PRELID2: variants seen among roughly 807,000 people sequenced by gnomAD.
PRELID2 encodes PRELI domain-containing protein 2.
A neutral mutation model predicts 28.4 loss-of-function variants in PRELID2; 25 were observed. The ratio of observed to expected loss-of-function variants is 0.88; its 90% CI spans 0.64 to 1.23. PRELID2 has a LOEUF of 1.23. Ranked by LOEUF, PRELID2 falls within the 50% of genes most tolerant of loss-of-function variation. The pLI, the probability that PRELID2 is intolerant of heterozygous loss-of-function variation, is 0.00. For synonymous variants in PRELID2, 76 were observed against 71.6 expected, an observed-to-expected ratio of 1.06 and a Z score of -0.31; for missense variants, 201 against 214.4, an observed-to-expected ratio of 0.94 and a Z score of 0.39.
chr5:145,282,460 C>T, the PRELID2 span, among the ~76,000 whole-genome samples: 1 of 151,526 alleles, frequency 6.6e-6, no homozygotes, highest in Non-Finnish European at 1.5e-5. Context: ...TCTGTTTAAC[C>T]AAAGATACAG....
chr5:145,355,568 AAACCATGC>A, the PRELID2 span, among the ~76,000 whole-genome samples: 2 of 152,152 alleles, frequency 1.3e-5, no homozygotes, highest in Non-Finnish European at 2.9e-5. Flanking sequence ...CAAAGGCAGC[AAACCATGC>A]ATATACCCAT....
chr5:145,611,516 T>C (rs1249540604), intron 1 of PRELID2, among the ~76,000 whole-genome samples: 3 of 152,136 alleles, frequency 2.0e-5, no homozygotes, highest in African/African-American at 7.2e-5. Context: ...AATAGAAAAT[T>C]AAAAATTCTT....
At chr5:145,432,430 TAAAAAAAAAAAA>T in the PRELID2 span, among the ~76,000 whole-genome samples, 4 of 133,464 alleles carry the variant, frequency 3.0e-5, no homozygotes, top group Non-Finnish European at 6.3e-5. Flanking sequence ...CTCAAGTTGT[TAAAAAAAAAAAA>T]AAAAGCAAAA....
the PRELID2 span, among the ~76,000 whole-genome samples, chr5:145,366,498 C>G: frequency 6.6e-6 from 1 of 151,844 alleles, no homozygotes; most frequent in South Asian, 2.1e-4. Flanking sequence ...CAGGGTATTT[C>G]AATTGTCGCC....
At chr5:145,403,782 A>T in the PRELID2 span, among the ~76,000 whole-genome samples, 22 of 152,156 alleles carry the variant, frequency 1.4e-4, no homozygotes, top group African/African-American at 5.3e-4. Flanking sequence ...TTCAAATGAG[A>T]ATTGGGGGAT....
intron 1 of PRELID2, among the ~76,000 whole-genome samples, chr5:145,608,040 G>GTTTTT (rs112958431): frequency 7.3e-6 from 1 of 136,920 alleles, no homozygotes; most frequent in African/African-American, 2.6e-5. Flanking sequence ...TTTAAAGCCC[G>GTTTTT]TTTTTTTTTT....
At chr5:145,270,429 C>T in the PRELID2 span, among the ~76,000 whole-genome samples, 1 of 152,008 alleles carries the variant, frequency 6.6e-6, no homozygotes, top group Admixed American at 6.6e-5. Flanking sequence ...AGTATAACAG[C>T]ATGGATAAAC....
At chr5:145,246,337 C>T in the PRELID2 span, among the ~76,000 whole-genome samples, 1 of 151,876 alleles carries the variant, frequency 6.6e-6, no homozygotes, top group Non-Finnish European at 1.5e-5. Flanking sequence ...TATTAAGTAC[C>T]GGGGATATAA....
At chr5:145,495,457 T>G (rs542547185) in intron 1 of PRELID2, among the ~76,000 whole-genome samples, 38 of 152,328 alleles carry the variant, frequency 2.5e-4, no homozygotes, top group African/African-American at 8.2e-4. Context: ...CATCTCTAAC[T>G]TGGTCTCATC....
chr5:145,427,558 T>C, the PRELID2 span, among the ~76,000 whole-genome samples: 2 of 152,172 alleles, frequency 1.3e-5, no homozygotes, highest in African/African-American at 4.8e-5. Flanking sequence ...TTATTCAATC[T>C]CATAGTCAGG....
At chr5:145,311,725 G>A in the PRELID2 span, among the ~76,000 whole-genome samples, 1 of 152,136 alleles carries the variant, frequency 6.6e-6, no homozygotes, top group Non-Finnish European at 1.5e-5. Context: ...CATGTTGAGT[G>A]ATTCCCATTA....
Position 145,646,714 on chromosome 5 carries a change from G to T in PRELID2, n.70+118217C>A, listed in dbSNP as rs368676825. Among the ~76,000 whole-genome samples, 4 of 152,230 alleles carry T rather than the reference G, an allele frequency of 2.6e-5. No individual in the cohort carries two copies. The East Asian group carries it at 5.8e-4, about 22-fold the overall frequency. On this transcript the variant is annotated intron_variant and non_coding_transcript_variant, in intron 1 of 2. Coordinates refer to the PRELID2 transcript ENST00000510259. ...TTGATGTTGCTGACCTTCAGATGGG[G>T]TCTCTGAGTGGATGTTCTATTCCTT...
At chr5:145,804,652 C>T (rs983811035) in intron 4 of PRELID2, among the ~76,000 whole-genome samples, 4 of 151,910 alleles carry the variant, frequency 2.6e-5, no homozygotes, top group Non-Finnish European at 5.9e-5. Context: ...AATATTAACC[C>T]GATTTTACAG....
chr5:145,528,487 CGA>C (rs1012250625), intron 1 of PRELID2, among the ~76,000 whole-genome samples: 1 of 151,624 alleles, frequency 6.6e-6, no homozygotes, highest in Non-Finnish European at 1.5e-5. Context: ...CATCAGCTCA[CGA>C]GAGAGAGAGA....
intron 2 of PRELID2, among the ~76,000 whole-genome samples, chr5:145,472,732 T>C (rs1752065594): frequency 6.6e-6 from 1 of 152,078 alleles, no homozygotes; most frequent in Non-Finnish European, 1.5e-5. Context: ...TACAGAACAA[T>C]TTCCTTGTCT....
At chr5:145,499,347 A>T (rs1177931579) in intron 1 of PRELID2, among the ~76,000 whole-genome samples, 5 of 152,234 alleles carry the variant, frequency 3.3e-5, no homozygotes, top group Non-Finnish European at 7.3e-5. Flanking sequence ...TATCACAAAT[A>T]GTTATTTCTA....
chr5:145,529,588 T>C (rs948982005), intron 1 of PRELID2, among the ~76,000 whole-genome samples: 1 of 152,206 alleles, frequency 6.6e-6, no homozygotes, highest in African/African-American at 2.4e-5. Context: ...TTAAGGAATA[T>C]TGACTGAGTG....
chr5:145,261,129 A>T, the PRELID2 span, among the ~76,000 whole-genome samples: 1 of 151,978 alleles, frequency 6.6e-6, no homozygotes, highest in African/African-American at 2.4e-5. Context: ...TGGCCTGAGA[A>T]CCACACTCCC....
intron 1 of PRELID2, among the ~76,000 whole-genome samples, chr5:145,480,281 C>A (rs1293337157): frequency 6.6e-6 from 1 of 152,106 alleles, no homozygotes; most frequent in East Asian, 1.9e-4. Flanking sequence ...ATATAGCAAT[C>A]ACCTGCAGAT....
Sources: allele counts gnomAD v4.1 joint callset (sites outside exome capture counted in the v4.1 genomes callset), GRCh38; gene constraint gnomAD v4.1.1; transcripts MANE v1.5; gene names NCBI Gene and HGNC (gene_info 2026-07-23, HGNC 2026-07-21).